The following RALYL variants were observed in gnomAD, a reference collection of about 807,000 sequenced individuals.
RALYL encodes RNA-binding Raly-like protein.
Under a neutral mutation model 35.1 loss-of-function variants are expected in RALYL, and 29 were observed. That is an observed-to-expected ratio of 0.83 (90% CI 0.61 to 1.13). The LOEUF (loss-of-function observed/expected upper bound fraction) is 1.13, where lower values mean the gene tolerates loss of function less well. Among genes scored for constraint, RALYL ranks in the 50% most tolerant of loss-of-function variants. The pLI is 0.00. For missense variants in RALYL, 359 were observed against 360.4 expected (o/e 1.00, Z 0.03); for synonymous variants, 120 against 127.6 (o/e 0.94, Z 0.40).
At chr8:84,562,800 T>A (rs1263503930) in intron 2 of RALYL, among the ~76,000 whole-genome samples, 2 of 151,850 alleles carry the variant, frequency 1.3e-5, no homozygotes, top group African/African-American at 2.4e-5. Flanking sequence ...AGGCAATGAC[T>A]GTGCTAATTA....
At chr8:84,574,310 C>G (rs1315313073) in intron 2 of RALYL, among the ~76,000 whole-genome samples, 1 of 151,996 alleles carries the variant, frequency 6.6e-6, no homozygotes, top group Non-Finnish European at 1.5e-5. Context: ...AATTGGTGAA[C>G]TCACCTTTAT....
At chr8:84,644,364 G>A (rs964557401) in intron 2 of RALYL, among the ~76,000 whole-genome samples, 1 of 151,932 alleles carries the variant, frequency 6.6e-6, no homozygotes, top group African/African-American at 2.4e-5. Context: ...GTATGAGCTA[G>A]GCTTTATTCT....
At chr8:84,812,094 G>C (rs1257041933) in intron 4 of RALYL, among the ~76,000 whole-genome samples, 1 of 152,104 alleles carries the variant, frequency 6.6e-6, no homozygotes, top group Non-Finnish European at 1.5e-5. Flanking sequence ...TATTACCAGA[G>C]TTGGTTTTCT....
intron 2 of RALYL, among the ~76,000 whole-genome samples, chr8:84,555,022 T>C (rs1201155935): frequency 3.3e-5 from 5 of 152,182 alleles, no homozygotes; most frequent in Non-Finnish European, 7.3e-5. Context: ...GGCTCACGCC[T>C]GTAATCCCAG....
chr8:84,882,744 C>A (rs1379074637), intron 7 of RALYL, among the ~76,000 whole-genome samples: 1 of 151,998 alleles, frequency 6.6e-6, no homozygotes, highest in African/African-American at 2.4e-5. Flanking sequence ...CACAAACACA[C>A]ATACACACTC....
At chr8:84,400,094 T>C (rs113038395) in intron 1 of RALYL, among the ~76,000 whole-genome samples, 4,303 of 152,120 alleles carry the variant, frequency 0.028, 198 homozygotes, top group African/African-American at 0.098. Flanking sequence ...TCAGCATGGG[T>C]GACAGAGTGA....
At chr8:84,356,316 G>A (rs1338340090) in intron 1 of RALYL, among the ~76,000 whole-genome samples, 2 of 150,354 alleles carry the variant, frequency 1.3e-5, no homozygotes, top group African/African-American at 2.5e-5. Context: ...GATTTAGGCT[G>A]CATAAACTTA....
At chr8:84,514,684 C>T (rs184622481) in intron 1 of RALYL, among the ~76,000 whole-genome samples, 16 of 152,150 alleles carry the variant, frequency 1.1e-4, no homozygotes, top group Admixed American at 3.3e-4. Flanking sequence ...GTCTAAATTC[C>T]AACATACAAA....
At chr8:84,403,524 GTTTTTT>G (rs769845435) in intron 1 of RALYL, among the ~76,000 whole-genome samples, 3 of 39,482 alleles carry the variant, frequency 7.6e-5, no homozygotes, top group Non-Finnish European at 1.6e-4. Context: ...CTATATCTCT[GTTTTTT>G]TTTTTTTTTT....
intron 1 of RALYL, among the ~76,000 whole-genome samples, chr8:84,521,828 A>G (rs2058482337): frequency 6.6e-6 from 1 of 152,122 alleles, no homozygotes; most frequent in Non-Finnish European, 1.5e-5. Flanking sequence ...CATTATCTAC[A>G]ATTATATATT....
chr8:84,314,163 C>G (rs775075626), intron 1 of RALYL, among the ~76,000 whole-genome samples: 5 of 152,026 alleles, frequency 3.3e-5, no homozygotes, highest in Admixed American at 6.6e-5. Context: ...CAACCAGATC[C>G]TATCAGAACT....
At chr8:84,905,304 CT>C (rs1163486435) in intron 8 of RALYL, among the ~76,000 whole-genome samples, 1 of 152,190 alleles carries the variant, frequency 6.6e-6, no homozygotes, top group African/African-American at 2.4e-5. Flanking sequence ...ATATACCACA[CT>C]TTACAAAATC....
At chr8:84,852,433 G>A (rs1465959926) in intron 5 of RALYL, among the ~76,000 whole-genome samples, 1 of 152,106 alleles carries the variant, frequency 6.6e-6, no homozygotes, top group Non-Finnish European at 1.5e-5. Context: ...ATTAAGGAAG[G>A]ATATCTAGAC....
intron 4 of RALYL, among the ~76,000 whole-genome samples, chr8:84,821,275 A>G (rs1371899238): frequency 6.6e-6 from 1 of 152,202 alleles, no homozygotes; most frequent in South Asian, 2.1e-4. Context: ...CAAAATAGAT[A>G]TCATCATTCA....
chr8:84,638,867 CATAAATATATATATAT>C (rs1454974751), intron 2 of RALYL, among the ~76,000 whole-genome samples: 1,084 of 102,100 alleles, frequency 0.011, 46 homozygotes, highest in African/African-American at 0.042. Flanking sequence ...CTAATGCACG[CATAAATATATATATAT>C]ATATATATAT....
chr8:84,852,318 A>C (rs1330857180), intron 5 of RALYL, among the ~76,000 whole-genome samples: 1 of 152,188 alleles, frequency 6.6e-6, no homozygotes, highest in African/African-American at 2.4e-5. Context: ...TTCTCAAAGC[A>C]TTTTATAATT....
At chr8:84,667,857 C>G (rs1832395457) in intron 2 of RALYL, among the ~76,000 whole-genome samples, 1 of 152,108 alleles carries the variant, frequency 6.6e-6, no homozygotes, top group Non-Finnish European at 1.5e-5. Flanking sequence ...GGGACTCAAT[C>G]TGAAAACTTA....
chr8:84,912,931 T>C (rs1220182453), intron 8 of RALYL, among the ~76,000 whole-genome samples: 1 of 151,838 alleles, frequency 6.6e-6, no homozygotes, highest in Admixed American at 6.6e-5. Context: ...AAATGAGCAT[T>C]TGTGAAATAC....
chr8:84,294,194 T>A (rs151092957), intron 1 of RALYL, among the ~76,000 whole-genome samples: 2 of 152,202 alleles, frequency 1.3e-5, no homozygotes, highest in African/African-American at 2.4e-5. Flanking sequence ...GTAAGAAGGG[T>A]TTAAAAGATA....
Sources: allele counts gnomAD v4.1 joint callset (sites outside exome capture counted in the v4.1 genomes callset), GRCh38; gene constraint gnomAD v4.1.1; transcripts MANE v1.5; gene names NCBI Gene and HGNC (gene_info 2026-07-23, HGNC 2026-07-21).